Variants in FHIT observed in about 807,000 individuals in gnomAD.
FHIT encodes bis(5'-adenosyl)-triphosphatase.
A neutral mutation model predicts 17.9 loss-of-function variants in FHIT; 19 were observed. The observed-to-expected ratio is 1.06, with a 90% CI of 0.74 to 1.56. The LOEUF is 1.56. Among genes scored for constraint, FHIT ranks in the 40% most tolerant of loss-of-function variants. The pLI is 0.00. For synonymous variants in FHIT, 81 were observed against 69.7 expected, an observed-to-expected ratio of 1.16 and a Z score of -0.81; for missense variants, 248 against 189.2, an observed-to-expected ratio of 1.31 and a Z score of -1.82.
intron 8 of FHIT, among the ~76,000 whole-genome samples, chr3:59,852,522 G>A (rs1407566297): frequency 3.3e-5 from 5 of 152,026 alleles, no homozygotes; most frequent in Non-Finnish European, 7.4e-5. Context: ...AACCTACAAG[G>A]ACATATCACC....
At chr3:61,011,782 A>G (rs73836084) in intron 3 of FHIT, among the ~76,000 whole-genome samples, 5,086 of 152,230 alleles carry the variant, frequency 0.033, 206 homozygotes, top group African/African-American at 0.081. Context: ...GCAAAGCAAA[A>G]TGGGAATCTG....
intron 5 of FHIT, among the ~76,000 whole-genome samples, chr3:60,533,169 C>T (rs2035849148): frequency 6.6e-6 from 1 of 152,056 alleles, no homozygotes; most frequent in Non-Finnish European, 1.5e-5. Context: ...TTGTAATGGA[C>T]AAAGGATGAA....
chr3:60,863,304 T>G (rs1450235731), intron 3 of FHIT, among the ~76,000 whole-genome samples: 1 of 152,256 alleles, frequency 6.6e-6, no homozygotes, highest in East Asian at 1.9e-4. Flanking sequence ...AGTTTGGAAG[T>G]TGGTTTTTCT....
intron 8 of FHIT, among the ~76,000 whole-genome samples, chr3:59,881,376 AAGAGACACAAAGG>A (rs1251762099): frequency 6.6e-6 from 1 of 152,188 alleles, no homozygotes; most frequent in Non-Finnish European, 1.5e-5. Flanking sequence ...AATGTCTTTT[AAGAGACACAAAGG>A]AAGGGGGTAC....
At chr3:59,834,596 C>T (rs1559646396) in intron 8 of FHIT, among the ~76,000 whole-genome samples, 1 of 152,154 alleles carries the variant, frequency 6.6e-6, no homozygotes, top group African/African-American at 2.4e-5. Context: ...AGATTGTCAA[C>T]TTTTTACTGT....
chr3:60,005,699 A>G (rs2106648466), intron 7 of FHIT, among the ~76,000 whole-genome samples: 1 of 152,344 alleles, frequency 6.6e-6, no homozygotes, highest in South Asian at 2.1e-4. Context: ...CATGCAGGAA[A>G]TACATGCATT....
intron 5 of FHIT, among the ~76,000 whole-genome samples, chr3:60,054,250 G>A (rs1347662445): frequency 1.3e-5 from 2 of 152,152 alleles, no homozygotes; most frequent in Non-Finnish European, 1.5e-5. Flanking sequence ...GGACAGGTGA[G>A]AGCAAAAGAA....
intron 4 of FHIT, among the ~76,000 whole-genome samples, chr3:60,768,305 C>T (rs1553722055): frequency 6.6e-6 from 1 of 152,180 alleles, no homozygotes; most frequent in African/African-American, 2.4e-5. Flanking sequence ...AACAAATACA[C>T]AGTAAGGCTT....
rs370891248 is a variant in FHIT, at chr3:61,203,949, A to T, written c.-212-3284T>A. ...TGGCAAAAAATACAGAAAACAACCC[A>T]AACATCTATCAGCAATACGATAAAC... On this transcript the variant is annotated intron_variant, in intron 1 of 9. Coordinates refer to ENST00000492590, the MANE Select transcript of FHIT (RefSeq NM_002012.4). Among the ~76,000 whole-genome samples, 6 of 152,340 alleles carry T rather than the reference A, an allele frequency of 3.9e-5. No homozygotes were observed. In the East Asian group the frequency reaches 9.6e-4, roughly 24 times the overall value.
intron 1 of FHIT, among the ~76,000 whole-genome samples, chr3:61,227,149 T>A (rs1342660612): frequency 6.6e-6 from 1 of 152,126 alleles, no homozygotes; most frequent in Non-Finnish European, 1.5e-5. Context: ...GGAGGACTTT[T>A]CTCCTCAGAA....
intron 8 of FHIT, among the ~76,000 whole-genome samples, chr3:59,762,671 A>C (rs146845074): frequency 7.2e-4 from 109 of 152,356 alleles, no homozygotes; most frequent in African/African-American, 2.5e-3. Context: ...CATAGAAAGC[A>C]AAACTAACAC....
chr3:60,775,150 T>A lies in FHIT; in HGVS notation c.-18+46769A>T, dbSNP rs1450669305. 2.0e-5 allele frequency among the ~76,000 whole-genome samples: 3 copies of A among 151,910 alleles called. No individual in the cohort carries two copies. In the East Asian group the frequency reaches 5.8e-4, roughly 29 times the overall value. On this transcript the variant is annotated intron_variant, in intron 4 of 9. Coordinates refer to ENST00000492590, the MANE Select transcript of FHIT (RefSeq NM_002012.4). ...AGATCACCATTTGAAATGAATAGAG[T>A]GTATGTTGGCTTTTAAATAAGGAAT...
chr3:60,370,982 A>T (rs768044014), intron 5 of FHIT, among the ~76,000 whole-genome samples: 1 of 152,162 alleles, frequency 6.6e-6, no homozygotes, highest in Non-Finnish European at 1.5e-5. Flanking sequence ...GCTACACCAA[A>T]CCAGTTGAAA....
At chr3:60,362,756 G>A (rs1405076461) in intron 5 of FHIT, among the ~76,000 whole-genome samples, 2 of 152,088 alleles carry the variant, frequency 1.3e-5, no homozygotes, top group African/African-American at 2.4e-5. Context: ...ATAAAACGTG[G>A]ATCAGATTGC....
At chr3:61,077,706 T>A (rs1430352388) in intron 2 of FHIT, among the ~76,000 whole-genome samples, 2 of 152,090 alleles carry the variant, frequency 1.3e-5, no homozygotes, top group Non-Finnish European at 2.9e-5. Context: ...TTTTTCAAAG[T>A]CCCTAAGTCT....
chr3:59,910,916 T>C (rs576855997), intron 8 of FHIT, among the ~76,000 whole-genome samples: 2 of 152,312 alleles, frequency 1.3e-5, no homozygotes, highest in African/African-American at 2.4e-5. Flanking sequence ...ATTGAAAACA[T>C]TGTTTTGCAG....
chr3:61,042,135 T>A (rs1010188523), intron 2 of FHIT, 36 bp from the exon 3 acceptor site: 2 of 152,208 alleles, frequency 1.3e-5, no homozygotes, highest in African/African-American at 4.8e-5. Context: ...GGGAGACATA[T>A]GAAATATCCC....
At chr3:60,193,205 T>C (rs951821494) in intron 5 of FHIT, among the ~76,000 whole-genome samples, 7 of 152,208 alleles carry the variant, frequency 4.6e-5, no homozygotes, top group African/African-American at 1.4e-4. Context: ...TGCCCAAGCC[T>C]AAATGCGGAT....
intron 1 of FHIT, among the ~76,000 whole-genome samples, chr3:61,246,803 T>A (rs556555362): frequency 9.2e-5 from 14 of 152,202 alleles, no homozygotes; most frequent in Admixed American, 9.2e-4. Flanking sequence ...CCACGGCACA[T>A]GTATACCTAT....
Sources: allele counts gnomAD v4.1 joint callset (sites outside exome capture counted in the v4.1 genomes callset), GRCh38; gene constraint gnomAD v4.1.1; transcripts MANE v1.5; gene names NCBI Gene and HGNC (gene_info 2026-07-23, HGNC 2026-07-21).